The following PTPRK variants were observed in gnomAD, a reference collection of about 807,000 sequenced individuals.
PTPRK encodes the protein receptor-type tyrosine-protein phosphatase kappa.
In PTPRK, 75 loss-of-function variants were observed where a neutral mutation model predicts 178.0. That is an observed-to-expected ratio of 0.42 (90% CI 0.35 to 0.51). The LOEUF is 0.51. PTPRK is among the 20% of genes least tolerant of loss of function. The probability of loss-of-function intolerance (pLI) is 0.02; values close to 1 mark genes in which losing one functional copy is unlikely to be tolerated. For missense variants in PTPRK, 1,441 were observed against 1,797.8 expected, an observed-to-expected ratio of 0.80 and a Z score of 3.59; for synonymous variants, 637 against 620.6, an observed-to-expected ratio of 1.03 and a Z score of -0.39.
chr6:128,384,748 G>GA (rs1838455760), intron 2 of PTPRK, among the ~76,000 whole-genome samples: 1 of 151,778 alleles, frequency 6.6e-6, no homozygotes, highest in Non-Finnish European at 1.5e-5. Flanking sequence ...TTGGTGACCA[G>GA]AAAAAATTTT....
intron 2 of PTPRK, among the ~76,000 whole-genome samples, chr6:128,387,065 C>CTAAA (rs1407783883): frequency 8.6e-5 from 13 of 151,956 alleles, no homozygotes; most frequent in Non-Finnish European, 1.8e-4. Flanking sequence ...GAGACTCTGT[C>CTAAA]TAAATAAATA....
chr6:128,343,170 C>T (rs1049741402), intron 2 of PTPRK, among the ~76,000 whole-genome samples: 2 of 151,856 alleles, frequency 1.3e-5, no homozygotes, highest in East Asian at 1.9e-4. Context: ...GATATCGTAA[C>T]GCAGTAAGAC....
chr6:128,093,296 G>A (rs1217810075), intron 7 of PTPRK, among the ~76,000 whole-genome samples: 4 of 151,836 alleles, frequency 2.6e-5, no homozygotes, highest in African/African-American at 9.7e-5. Context: ...CAGAAACTTG[G>A]AAGGAAACAA....
At chr6:128,140,917 A>G (rs567479497) in intron 7 of PTPRK, among the ~76,000 whole-genome samples, 1 of 152,098 alleles carries the variant, frequency 6.6e-6, no homozygotes, top group Non-Finnish European at 1.5e-5. Flanking sequence ...CTTTTACACA[A>G]AAGTAGAAGA....
At chr6:128,284,960 G>A (rs1011291685) in intron 3 of PTPRK, among the ~76,000 whole-genome samples, 1 of 152,112 alleles carries the variant, frequency 6.6e-6, no homozygotes, top group African/African-American at 2.4e-5. Context: ...TAAGTCTCAA[G>A]TTATGGGCTA....
At chr6:128,454,254 T>A (rs1286160863) in intron 1 of PTPRK, among the ~76,000 whole-genome samples, 2 of 152,152 alleles carry the variant, frequency 1.3e-5, no homozygotes, top group Non-Finnish European at 2.9e-5. Context: ...GAAATAAATT[T>A]CTTTTGTTGA....
intron 5 of PTPRK, among the ~76,000 whole-genome samples, chr6:128,219,366 C>A (rs756953795): frequency 5.9e-5 from 9 of 152,344 alleles, no homozygotes; most frequent in Middle Eastern, 3.4e-3. Context: ...ACTGTTCCAC[C>A]TCAAATCATC....
intron 3 of PTPRK, among the ~76,000 whole-genome samples, chr6:128,287,159 T>C (rs1822638362): frequency 1.3e-5 from 2 of 152,090 alleles, no homozygotes; most frequent in Non-Finnish European, 2.9e-5. Context: ...TCTCCTCCCA[T>C]CAAGTGAAAG....
At chr6:128,262,011 C>T (rs1036208180) in intron 3 of PTPRK, among the ~76,000 whole-genome samples, 3 of 152,168 alleles carry the variant, frequency 2.0e-5, no homozygotes, top group East Asian at 1.9e-4. Flanking sequence ...CCAGGAGTTA[C>T]TCAGCCTGAG....
At chr6:128,121,428 T>TTG (rs145664979) in intron 7 of PTPRK, among the ~76,000 whole-genome samples, 49 of 151,324 alleles carry the variant, frequency 3.2e-4, no homozygotes, top group Middle Eastern at 6.8e-3. Flanking sequence ...ATGATGTAAT[T>TTG]TGTGTGTGTG....
intron 1 of PTPRK, among the ~76,000 whole-genome samples, chr6:128,434,550 T>C (rs1408557292): frequency 1.2e-4 from 18 of 152,162 alleles, no homozygotes; most frequent in Non-Finnish European, 1.5e-5. Flanking sequence ...AGTCATAGAA[T>C]TCACCTCATA....
chr6:128,020,413 G>A lies in PTPRK; in HGVS notation c.2195-11145C>T, dbSNP rs77527537. On this transcript the variant is annotated intron_variant, in intron 13 of 29. Transcript: ENST00000368226. ...ATGATAAATGTGGATATATGGAGAC[G>A]TTGGGGGAAAAAGCTTCATGATAAT... Among the ~76,000 whole-genome samples the A allele has an allele frequency of 2.8e-4, 42 of 152,264 alleles. No homozygotes were observed. The East Asian group carries it at 5.2e-3, about 19-fold the overall frequency.
intron 3 of PTPRK, among the ~76,000 whole-genome samples, chr6:128,267,547 G>C (rs555994051): frequency 6.6e-6 from 1 of 152,020 alleles, no homozygotes; most frequent in African/African-American, 2.4e-5. Context: ...CTTTAAAACT[G>C]TGTAACTTCC....
At chr6:127,995,789 A>G (rs939487261) in intron 17 of PTPRK, among the ~76,000 whole-genome samples, 1 of 152,102 alleles carries the variant, frequency 6.6e-6, no homozygotes, top group Non-Finnish European at 1.5e-5. Context: ...ATTGTCTGGT[A>G]AGTAATCATT....
intron 22 of PTPRK, 84 bp downstream of exon 22, chr6:127,985,637 T>C: frequency 1.4e-6 from 2 of 1,380,344 alleles, no homozygotes; most frequent in Non-Finnish European, 9.9e-7. Context: ...AAGCACACAT[T>C]AGTTTTTGTG....
At chr6:128,515,019 A>G (rs940773015) in intron 1 of PTPRK, among the ~76,000 whole-genome samples, 2 of 152,264 alleles carry the variant, frequency 1.3e-5, no homozygotes, top group Non-Finnish European at 2.9e-5. Flanking sequence ...TATTTTCACA[A>G]AACACATTTG....
intron 7 of PTPRK, among the ~76,000 whole-genome samples, chr6:128,090,353 C>A (rs1315161391): frequency 2.6e-5 from 4 of 152,106 alleles, no homozygotes; most frequent in Non-Finnish European, 5.9e-5. Flanking sequence ...GCTAATATAT[C>A]AAAATGGATA....
intron 13 of PTPRK, among the ~76,000 whole-genome samples, chr6:128,060,945 G>T (rs1013154719): frequency 2.0e-5 from 3 of 152,094 alleles, no homozygotes; most frequent in African/African-American, 7.2e-5. Context: ...TAACCTGTTT[G>T]ATTAAACGTG....
At chr6:128,395,410 T>A (rs1840170294) in intron 2 of PTPRK, among the ~76,000 whole-genome samples, 1 of 152,206 alleles carries the variant, frequency 6.6e-6, no homozygotes, top group South Asian at 2.1e-4. Flanking sequence ...CCGATTAAGC[T>A]GTTCATCAAA....
Sources: allele counts gnomAD v4.1 joint callset (sites outside exome capture counted in the v4.1 genomes callset), GRCh38; gene constraint gnomAD v4.1.1; transcripts MANE v1.5; gene names NCBI Gene and HGNC (gene_info 2026-07-23, HGNC 2026-07-21).